Variants in ZNF569 observed in about 807,000 individuals in gnomAD.
ZNF569 encodes the protein zinc finger protein 569, also known as DNA-binding protein.
In ZNF569, 38 loss-of-function variants were observed where a neutral mutation model predicts 56.3. That is an observed-to-expected ratio of 0.68 (90% CI 0.52 to 0.88). The LOEUF (loss-of-function observed/expected upper bound fraction) is 0.88. Among genes scored for constraint, ZNF569 ranks in the 40% least tolerant of loss-of-function variants. The pLI is 0.00. For synonymous variants in ZNF569, 241 were observed against 262.9 expected (o/e 0.92, Z 0.81); for missense variants, 666 against 809.2 (o/e 0.82, Z 2.15).
chr19:37,421,727 G>A (rs2041038678), intron 5 of ZNF569, among the ~76,000 whole-genome samples: 1 of 139,278 alleles, frequency 7.2e-6, no homozygotes, highest in Non-Finnish European at 1.5e-5. Context: ...TCATTTGTGT[G>A]TATACTGTAG....
chr19:37,443,726 G>T (rs1186489231), intron 3 of ZNF569, among the ~76,000 whole-genome samples: 1 of 151,950 alleles, frequency 6.6e-6, no homozygotes, highest in East Asian at 1.9e-4. Flanking sequence ...AAATTTACGG[G>T]CCGGGCGCAG....
intron 2 of ZNF569, among the ~76,000 whole-genome samples, chr19:37,452,084 A>T (rs1420460198): frequency 1.3e-5 from 2 of 151,934 alleles, no homozygotes; most frequent in Non-Finnish European, 1.5e-5. Context: ...TGTAGCCTCT[A>T]TGGGTAATTT....
At chr19:37,424,800 A>G in intron 5 of ZNF569, among the ~76,000 whole-genome samples, 1 of 115,464 alleles carries the variant, frequency 8.7e-6, no homozygotes, top group Non-Finnish European at 1.7e-5. Flanking sequence ...TGGGTGACAG[A>G]GTGAGACTCT....
chr19:37,418,510 T>TGAAAGGACTATTATCTAACA (rs2040975037), intron 5 of ZNF569, among the ~76,000 whole-genome samples: 1 of 151,946 alleles, frequency 6.6e-6, no homozygotes. Context: ...TGGAAGAAGA[T>TGAAAGGACTATTATCTAACA]GAAAGGACTA....
upstream of ZNF569, chr19:37,467,478 C>T (rs923628722): frequency 5.1e-6 from 1 of 196,358 alleles, no homozygotes; most frequent in African/African-American, 3.0e-5. Flanking sequence ...CTTCGCGGCC[C>T]TACTTCCCCG....
At chr19:37,425,152 AAT>A (rs1364697967) in intron 5 of ZNF569, among the ~76,000 whole-genome samples, 1 of 151,460 alleles carries the variant, frequency 6.6e-6, no homozygotes, top group Non-Finnish European at 1.5e-5. Flanking sequence ...GCTTTCTGAA[AAT>A]ATATATATAT....
rs1163619333 is a variant in ZNF569, at chr19:37,411,829, G to C, written c.*768C>G. 6.6e-6 allele frequency: 1 copy of C among 152,000 alleles called. No individual in the cohort carries two copies. Among genetic ancestry groups the C allele is most frequent in the Non-Finnish European group, 1.5e-5 (1 of 67,964 alleles). 9.4% of individuals were successfully genotyped at this position (152,000 alleles called of 1,614,324 possible). A position where few individuals can be genotyped will look rare whatever the true frequency, so the allele number is the denominator to read the frequency against. ...AATTCCTGTATCTTCTTGGATTTTT[G>C]TATGAATGCTCACTATCTTACTACT... On this transcript the variant is annotated 3_prime_UTR_variant, in exon 6 of 6. Transcript: ENST00000316950.
In ZNF569 at chr19:37,465,283, T is replaced by C. The variant is rs528735848; in HGVS notation, c.-44+30A>G. ...CATTTTTTCTTAGTATTCTTCACCATTTAAAATACTTCATACTTAATTTAC... is the reference window on the plus strand; with the variant it reads ...CATTTTTTCTTAGTATTCTTCACCACTTAAAATACTTCATACTTAATTTAC... On this transcript the variant is annotated intron_variant, in intron 2 of 5. Transcript: ENST00000316950. 6.6e-5 allele frequency: 10 copies of C among 152,378 alleles called. No individual in the cohort carries two copies. The South Asian group carries it at 2.1e-3, about 32-fold the overall frequency. 9.4% of individuals were successfully genotyped at this position (152,378 alleles called of 1,614,324 possible).
chr19:37,418,308 C>A (rs966859706), intron 5 of ZNF569, among the ~76,000 whole-genome samples: 1 of 151,558 alleles, frequency 6.6e-6, no homozygotes, highest in African/African-American at 2.4e-5. Flanking sequence ...TGTATAGGGG[C>A]AAATATAGTG....
intron 2 of ZNF569, among the ~76,000 whole-genome samples, chr19:37,461,659 A>C (rs1472776482): frequency 6.6e-6 from 1 of 152,108 alleles, no homozygotes; most frequent in African/African-American, 2.4e-5. Context: ...ATAGTCCTTC[A>C]GCCCTGTCAG....
chr19:37,429,999 C>T (rs1440468012), intron 3 of ZNF569, among the ~76,000 whole-genome samples: 1 of 152,172 alleles, frequency 6.6e-6, no homozygotes, highest in East Asian at 1.9e-4. Context: ...TCAAGATCAG[C>T]CTGGGCAAGA....
intron 3 of ZNF569, among the ~76,000 whole-genome samples, chr19:37,430,502 C>A (rs745736682): frequency 1.7e-4 from 25 of 151,336 alleles, no homozygotes; most frequent in Non-Finnish European, 3.5e-4. Flanking sequence ...CTTCACCAAC[C>A]ACAATAAAAC....
At chr19:37,447,824 G>A (rs948220141) in intron 2 of ZNF569, among the ~76,000 whole-genome samples, 1 of 152,098 alleles carries the variant, frequency 6.6e-6, no homozygotes, top group African/African-American at 2.4e-5. Context: ...ATGAATGAAT[G>A]TTTGTCAAGT....
In ZNF569 at chr19:37,429,293, G is replaced by A. The variant is rs139501456; in HGVS notation, c.16-2915C>T. On this transcript the variant is annotated intron_variant, in intron 3 of 5. Transcript: ENST00000316950. ...TTCCTGTAGACTGGTAAGTCAATGC[G>A]ACTTACCAGAGTCGAGAGCAAACAG... is the stretch of plus-strand genomic sequence containing the variant. Among the ~76,000 whole-genome samples, 439 of 152,224 alleles carry A rather than the reference G, an allele frequency of 2.9e-3. 3 individuals are homozygous for A. Among genetic ancestry groups the A allele is most frequent in the South Asian group, 0.024 (117 of 4,824 alleles).
Position 37,413,355 on chromosome 19 carries a change from C to T in ZNF569, c.1303G>A (p.Glu435Lys). The T allele has an allele frequency of 6.2e-7, 1 of 1,608,096 alleles. No homozygotes were observed. The highest frequency in any genetic ancestry group is 8.5e-7 in the Non-Finnish European group (1 of 1,178,212). ...FITHQKIHTR[E>K]KPYECNECGK... ...CATTCATTACACTCATAAGGTTTCT[C>T]TCTAGTATGAATTTTCTGGTGTGTA... Residue 435 changes from glutamate (E) to lysine (K), a missense_variant, in exon 6 of 6, where the codon GAG (glutamate) becomes AAG (lysine). Coordinates refer to ENST00000316950, the MANE Select transcript of ZNF569 (RefSeq NM_152484.3).
chr19:37,414,775 G>A (rs1173641829), intron 5 of ZNF569, among the ~76,000 whole-genome samples: 1 of 152,078 alleles, frequency 6.6e-6, no homozygotes, highest in African/African-American at 2.4e-5. Flanking sequence ...AAAAGTATAA[G>A]ATCATTTTGC....
intron 5 of ZNF569, among the ~76,000 whole-genome samples, chr19:37,424,064 TATATC>T (rs949977141): frequency 1.4e-4 from 21 of 152,218 alleles, no homozygotes; most frequent in African/African-American, 5.1e-4. Context: ...ACATGACAAA[TATATC>T]AGAAAATGGG....
At chr19:37,462,418 G>GAA (rs1198579734) in intron 2 of ZNF569, among the ~76,000 whole-genome samples, 6 of 121,618 alleles carry the variant, frequency 4.9e-5, no homozygotes, top group Non-Finnish European at 7.1e-5. Flanking sequence ...CTTCCATTTA[G>GAA]AAAAAAAAAA....
intron 2 of ZNF569, among the ~76,000 whole-genome samples, chr19:37,448,489 A>G (rs2041535013): frequency 6.6e-6 from 1 of 151,668 alleles, no homozygotes; most frequent in Non-Finnish European, 1.5e-5. Context: ...TTCAAAGAAC[A>G]AGCCTTTAGT....
Sources: allele counts gnomAD v4.1 joint callset (sites outside exome capture counted in the v4.1 genomes callset), GRCh38; gene constraint gnomAD v4.1.1; transcripts MANE v1.5; gene names NCBI Gene and HGNC (gene_info 2026-07-23, HGNC 2026-07-21).